The following SPOCK1 variants were observed in gnomAD, a reference collection of about 807,000 sequenced individuals.
SPOCK1 encodes testican-1.
In SPOCK1, 23 loss-of-function variants were observed where a neutral mutation model predicts 55.3. That is an observed-to-expected ratio of 0.42 (90% CI 0.30 to 0.59). The LOEUF (loss-of-function observed/expected upper bound fraction) is 0.59. Ranked by LOEUF, SPOCK1 falls within the 20% of genes least tolerant of loss-of-function variation. The pLI is 0.22. For missense variants in SPOCK1, 499 were observed against 552.5 expected (o/e 0.90, Z 0.97); for synonymous variants, 226 against 221.0 (o/e 1.02, Z -0.20).
chr5:137,196,950 T>C (rs1209134002), intron 3 of SPOCK1, among the ~76,000 whole-genome samples: 1 of 152,186 alleles, frequency 6.6e-6, no homozygotes, highest in Non-Finnish European at 1.5e-5. Flanking sequence ...TTCAATTAAA[T>C]TGACATTCAG....
intron 2 of SPOCK1, among the ~76,000 whole-genome samples, chr5:137,446,223 G>A (rs1296963858): frequency 2.0e-5 from 3 of 152,096 alleles, no homozygotes; most frequent in Non-Finnish European, 4.4e-5. Flanking sequence ...TATCTTTTGG[G>A]GAGACAGAAG....
At chr5:137,112,007 T>A (rs1416473990) in intron 5 of SPOCK1, among the ~76,000 whole-genome samples, 2 of 152,096 alleles carry the variant, frequency 1.3e-5, no homozygotes, top group Non-Finnish European at 2.9e-5. Flanking sequence ...AGATGTGCAG[T>A]AAGTGTGAAT....
intron 6 of SPOCK1, among the ~76,000 whole-genome samples, chr5:137,053,842 T>C (rs140251961): frequency 5.9e-5 from 9 of 152,266 alleles, no homozygotes; most frequent in South Asian, 2.1e-4. Flanking sequence ...GGGCCAGAAC[T>C]GAATCACAGG....
chr5:137,088,324 C>T (rs1752996736), intron 5 of SPOCK1, among the ~76,000 whole-genome samples: 2 of 152,228 alleles, frequency 1.3e-5, no homozygotes, highest in Admixed American at 6.5e-5. Context: ...ACCTGAACTT[C>T]GTAACCACAT....
In SPOCK1 at chr5:137,151,942, A is replaced by G. The variant is rs186507210; in HGVS notation, c.233-11248T>C. ...GTTTATAAATGGATATTTGAAGACT[A>G]TTCATTTCCAAGCCCTTTCTTTCTC... On this transcript the variant is annotated intron_variant, in intron 3 of 10. Transcript: ENST00000394945. Among the ~76,000 whole-genome samples, 10 of 152,324 alleles carry G rather than the reference A, an allele frequency of 6.6e-5. No individual in the cohort carries two copies. In the East Asian group the frequency reaches 1.9e-3, roughly 29 times the overall value.
At chr5:137,065,972 C>A (rs1370032712) in intron 6 of SPOCK1, among the ~76,000 whole-genome samples, 1 of 152,108 alleles carries the variant, frequency 6.6e-6, no homozygotes, top group East Asian at 1.9e-4. Context: ...AAATATGAAG[C>A]CCATCATTAA....
intron 5 of SPOCK1, among the ~76,000 whole-genome samples, chr5:137,098,534 C>G (rs960127689): frequency 9.2e-5 from 14 of 152,234 alleles, no homozygotes; most frequent in African/African-American, 3.4e-4. Context: ...TCATCCAACT[C>G]TATGGACTAA....
chr5:137,267,025 T>G lies in SPOCK1; in HGVS notation c.217A>C (p.Lys73Gln), dbSNP rs1756869878. 6.2e-7 allele frequency: 1 copy of G among 1,613,120 alleles called. No individual in the cohort carries two copies. Among genetic ancestry groups the G allele is most frequent in the African/African-American group, 1.3e-5 (1 of 75,018 alleles). The change falls in exon 3 of 11, where the codon AAG (lysine) becomes CAG (glutamine). Residue 73 changes from lysine to glutamine, a missense_variant. Coordinates refer to ENST00000394945, the MANE Select transcript of SPOCK1 (RefSeq NM_004598.4). ...DDYFRNWNPN[K>Q]PFDQALDPSK... Reference sequence around the variant, plus strand: ...CATCCATTACCTTGGTCAAAGGGCTTGTTGGGATTCCAGTTTCTGAAATAA... The same window carrying G: ...CATCCATTACCTTGGTCAAAGGGCTGGTTGGGATTCCAGTTTCTGAAATAA...
chr5:137,114,810 C>T (rs1753546244), intron 4 of SPOCK1, among the ~76,000 whole-genome samples: 1 of 152,200 alleles, frequency 6.6e-6, no homozygotes, highest in Non-Finnish European at 1.5e-5. Context: ...CTGGGTCAGT[C>T]CCCAGTCTGC....
chr5:137,166,929 G>C (rs73299812), intron 3 of SPOCK1, among the ~76,000 whole-genome samples: 7,718 of 152,002 alleles, frequency 0.051, 360 homozygotes, highest in East Asian at 0.14. Flanking sequence ...AAACAACCAG[G>C]AGGCAAATAG....
At chr5:137,103,787 C>T (rs1314007079) in intron 5 of SPOCK1, among the ~76,000 whole-genome samples, 1 of 152,184 alleles carries the variant, frequency 6.6e-6, no homozygotes, top group Non-Finnish European at 1.5e-5. Flanking sequence ...GAGGATAATT[C>T]TAACAAAACT....
chr5:137,013,370 C>A (rs1429303144), intron 6 of SPOCK1, among the ~76,000 whole-genome samples: 2 of 152,202 alleles, frequency 1.3e-5, no homozygotes, highest in Non-Finnish European at 2.9e-5. Context: ...CCTGAAAAGT[C>A]TTTCATGATA....
intron 3 of SPOCK1, among the ~76,000 whole-genome samples, chr5:137,194,176 G>T (rs1036817391): frequency 1.3e-5 from 2 of 152,244 alleles, no homozygotes; most frequent in Non-Finnish European, 2.9e-5. Flanking sequence ...GGAGAGCCTG[G>T]GCCAGCCACT....
chr5:137,242,278 C>T (rs892879206), intron 3 of SPOCK1, among the ~76,000 whole-genome samples: 5 of 152,046 alleles, frequency 3.3e-5, no homozygotes, highest in African/African-American at 7.2e-5. Context: ...GGGAGGGACC[C>T]GGTCGGAGGT....
At chr5:137,473,802 C>T (rs1753783057) in intron 2 of SPOCK1, among the ~76,000 whole-genome samples, 1 of 152,196 alleles carries the variant, frequency 6.6e-6, no homozygotes, top group African/African-American at 2.4e-5. Context: ...TTTCTTCGCA[C>T]TGTTAGGATA....
intron 3 of SPOCK1, among the ~76,000 whole-genome samples, chr5:137,246,423 T>A (rs570943866): frequency 6.6e-6 from 1 of 152,284 alleles, no homozygotes; most frequent in Non-Finnish European, 1.5e-5. Context: ...ATAACCTACA[T>A]CCATTGAGAC....
chr5:137,340,350 G>A (rs892633809), intron 2 of SPOCK1, among the ~76,000 whole-genome samples: 2 of 152,164 alleles, frequency 1.3e-5, no homozygotes, highest in Admixed American at 1.3e-4. Context: ...TCTTCACTGA[G>A]AGAGAATGCT....
intron 3 of SPOCK1, among the ~76,000 whole-genome samples, chr5:137,224,065 A>C (rs1036062897): frequency 3.3e-5 from 5 of 152,226 alleles, no homozygotes; most frequent in African/African-American, 1.2e-4. Flanking sequence ...ACAGATGCTA[A>C]ACAAACTTAC....
chr5:137,140,707 CAAG>C lies in SPOCK1; in HGVS notation c.233-16_233-14del, dbSNP rs761868853. On this transcript the variant is annotated splice_polypyrimidine_tract_variant and intron_variant, in intron 3 of 10. Coordinates refer to ENST00000394945, the MANE Select transcript of SPOCK1 (RefSeq NM_004598.4). The stretch of plus-strand genomic sequence containing the variant: ...GATGGGTCCAGGGCTGAGGCAAAAA[CAAG>C]AAGGAGGGCAGGGTTTAGGACCTCC... 5 of 1,333,600 alleles carry C rather than the reference CAAG, an allele frequency of 3.7e-6. No homozygotes were observed. Among genetic ancestry groups the C allele is most frequent in the South Asian group, 2.6e-5 (2 of 75,966 alleles). 82.6% of individuals were successfully genotyped at this position (1,333,600 alleles called of 1,614,324 possible). A position where few individuals can be genotyped will look rare whatever the true frequency, so the allele number is the denominator to read the frequency against.
Sources: gnomAD v4.1 joint callset for allele counts (sites outside exome capture counted in the v4.1 genomes callset) on GRCh38, gnomAD v4.1.1 for gene constraint, MANE v1.5 for transcripts, NCBI Gene and HGNC (gene_info 2026-07-23, HGNC 2026-07-21) for gene names.